Variants in MEF2B observed in about 807,000 individuals in gnomAD.
MEF2B encodes the protein myocyte-specific enhancer factor 2B.
MEF2B carries 15 observed loss-of-function variants against 32.2 expected under a neutral mutation model. That is an observed-to-expected ratio of 0.47 (90% CI 0.31 to 0.72). The LOEUF (loss-of-function observed/expected upper bound fraction) is 0.72, where lower values mean the gene tolerates loss of function less well. Among genes scored for constraint, MEF2B ranks in the 30% least tolerant of loss-of-function variants. The pLI is 0.05. For synonymous variants in MEF2B, 205 were observed against 225.6 expected (o/e 0.91, Z 0.82); for missense variants, 441 against 511.5 (o/e 0.86, Z 1.33).
chr19:19,164,545 G>A (rs146654967), intron 1 of MEF2B, among the ~76,000 whole-genome samples: 1,787 of 152,340 alleles, frequency 0.012, 41 homozygotes, highest in African/African-American at 0.039. Context: ...CGGGTGCGGT[G>A]GCTCACGCCT....
intron 1 of MEF2B, among the ~76,000 whole-genome samples, chr19:19,162,473 G>A (rs2060172111): frequency 6.6e-6 from 1 of 152,206 alleles, no homozygotes; most frequent in South Asian, 2.1e-4. Context: ...CCCACCAGGG[G>A]TGAAATGCAG....
chr19:19,167,127 G>A (rs1050577820), intron 1 of MEF2B, among the ~76,000 whole-genome samples: 7 of 152,100 alleles, frequency 4.6e-5, no homozygotes, highest in African/African-American at 9.7e-5. Flanking sequence ...AAGGCAGGTG[G>A]ATCACCTGTG....
chr19:19,165,308 G>A (rs1016035623), intron 1 of MEF2B, among the ~76,000 whole-genome samples: 8 of 152,006 alleles, frequency 5.3e-5, no homozygotes, highest in African/African-American at 1.9e-4. Context: ...GATCCAGGAG[G>A]GTACCACACC....
intron 4 of MEF2B, among the ~76,000 whole-genome samples, 196 bp from the exon 5 acceptor site, chr19:19,147,379 C>T (rs2146352652): frequency 7.5e-6 from 1 of 132,796 alleles, no homozygotes; most frequent in South Asian, 2.3e-4. Flanking sequence ...CTGGCTCTGC[C>T]TGTCCTTGAC....
Position 19,160,335 on chromosome 19 carries a change from G to A in MEF2B, c.-29-9571C>T, listed in dbSNP as rs570778909. On this transcript the variant is annotated intron_variant, in intron 1 of 8. Coordinates refer to ENST00000424583, the MANE Select transcript of MEF2B (RefSeq NM_001145785.2). ...GAAGAAGGTCTGGGCCTTGGAACTGGGGGCGCTGAGTCAGTACAGCATCCT... is the reference window on the plus strand; with the variant it reads ...GAAGAAGGTCTGGGCCTTGGAACTGAGGGCGCTGAGTCAGTACAGCATCCT... 3.3e-5 allele frequency among the ~76,000 whole-genome samples: 5 copies of A among 152,114 alleles called. No individual in the cohort carries two copies. The South Asian group carries it at 8.3e-4, about 25-fold the overall frequency.
intron 1 of MEF2B, among the ~76,000 whole-genome samples, chr19:19,164,113 C>T (rs191183137): frequency 1.2e-4 from 19 of 152,202 alleles, no homozygotes; most frequent in Admixed American, 9.2e-4. Flanking sequence ...ATCACAGGCT[C>T]GCCCCCACCA....
intron 1 of MEF2B, among the ~76,000 whole-genome samples, chr19:19,164,375 ACAGCCAATT>A (rs1433455317): frequency 1.3e-5 from 2 of 152,106 alleles, no homozygotes; most frequent in Non-Finnish European, 2.9e-5. Flanking sequence ...TCACAGCAAA[ACAGCCAATT>A]GGACAGTGCT....
At chr19:19,162,028 G>A (rs919394341) in intron 1 of MEF2B, among the ~76,000 whole-genome samples, 1 of 152,078 alleles carries the variant, frequency 6.6e-6, no homozygotes, top group Non-Finnish European at 1.5e-5. Context: ...GGCTGGTCTT[G>A]AACTCCTGGC....
At chr19:19,161,662 C>T (rs1448924829) in intron 1 of MEF2B, among the ~76,000 whole-genome samples, 5 of 152,020 alleles carry the variant, frequency 3.3e-5, no homozygotes, top group Non-Finnish European at 7.4e-5. Flanking sequence ...CCCCTTTCCC[C>T]TGAACAATGT....
intron 1 of MEF2B, among the ~76,000 whole-genome samples, chr19:19,167,821 T>A (rs574364469): frequency 6.6e-6 from 1 of 152,222 alleles, no homozygotes; most frequent in South Asian, 2.1e-4. Context: ...GAGAGGAAGC[T>A]GGGCCTCGTG....
chr19:19,150,697 G>A lies in MEF2B; in HGVS notation c.39C>T (p.Asp13=). The A allele has an allele frequency of 6.2e-7, 1 of 1,614,146 alleles. No individual in the cohort carries two copies. The highest frequency in any genetic ancestry group is 1.6e-4 in the Middle Eastern group (1 of 6,062). Residue 13 remains aspartate, a synonymous_variant, in exon 2 of 9, where the codon GAC becomes GAT. Transcript: ENST00000424583. Reference sequence around the variant, plus strand: ...GTGAACTCACCTGCCGATTCCTTTGGTCCAGGATGCGGGAGATCTGGATTT... The same window carrying A: ...GTGAACTCACCTGCCGATTCCTTTGATCCAGGATGCGGGAGATCTGGATTT... The part of the protein sequence containing the change: ...RKKIQISRIL[D]QRNRQVTFTK...
intron 3 of MEF2B, among the ~76,000 whole-genome samples, chr19:19,148,670 A>G (rs1036883572): frequency 1.4e-4 from 21 of 149,028 alleles, no homozygotes; most frequent in Admixed American, 2.7e-4. Flanking sequence ...CCCAGTGAAG[A>G]CTCCTCTGTC....
In MEF2B at chr19:19,150,739, C is replaced by T. The variant is rs370131105; in HGVS notation, c.-4G>A. ...TCTGGATTTTTTTCCTCCCCATCGT[C>T]CCAGGCTGAGTGGAATGATCTTTGT... On this transcript the variant is annotated 5_prime_UTR_variant, in exon 2 of 9. Transcript: ENST00000424583. The T allele has an allele frequency of 5.6e-6, 9 of 1,613,974 alleles. No individual in the cohort carries two copies. Among genetic ancestry groups the T allele is most frequent in the Non-Finnish European group, 5.9e-6 (7 of 1,180,042 alleles).
rs187636489 is a variant in MEF2B at position 19,150,011 on chromosome 19, G to A, written c.55-582C>T. Reference sequence around the variant, plus strand: ...GAGGCAGGAGAATCACTTGAACCCAGGAGGCGGAGCTTGCAGTGAGCCGAG... The same window carrying A: ...GAGGCAGGAGAATCACTTGAACCCAAGAGGCGGAGCTTGCAGTGAGCCGAG... On this transcript the variant is annotated intron_variant, in intron 2 of 8. Coordinates refer to ENST00000424583, the MANE Select transcript of MEF2B (RefSeq NM_001145785.2). Among the ~76,000 whole-genome samples, 385 of 149,168 alleles carry A rather than the reference G, an allele frequency of 2.6e-3. 1 individual carries two copies. Among genetic ancestry groups the A allele is most frequent in the Non-Finnish European group, 4.2e-3 (282 of 67,570 alleles).
intron 1 of MEF2B, among the ~76,000 whole-genome samples, chr19:19,169,393 G>T (rs2060235223): frequency 2.0e-5 from 3 of 151,858 alleles, no homozygotes; most frequent in Admixed American, 2.0e-4. Flanking sequence ...AAAGAAAATG[G>T]GGGTCTCACT....
intron 1 of MEF2B, chr19:19,157,212 C>T (rs568191762): frequency 1.2e-5 from 2 of 166,114 alleles, no homozygotes; most frequent in African/African-American, 4.8e-5. Context: ...GAACAGATGC[C>T]TACCCTGTGA....
At chr19:19,156,236 A>C (rs1389005772) in intron 1 of MEF2B, among the ~76,000 whole-genome samples, 4 of 152,120 alleles carry the variant, frequency 2.6e-5, no homozygotes, top group African/African-American at 9.7e-5. Flanking sequence ...AGAAGATTAG[A>C]AAGGTGACTC....
rs761236034 is a variant in MEF2B at position 19,146,753 on chromosome 19, G to C, written c.664C>G (p.Leu222Val). Residue 222 changes from leucine to valine, a missense_variant, in exon 6 of 9, where the codon CTA becomes GTA. Leu to Val is a conservative substitution (Grantham distance 32, BLOSUM62 1). Coordinates refer to ENST00000424583, the MANE Select transcript of MEF2B (RefSeq NM_001145785.2). ...CTCCCCTCACTCACGGAGGTGTTTA[G>C]TCCCCCTCGGGGCCCAGCCAGGCCA... Reference protein sequence around the residue: ...PGGLAGPRGGLNTSRSLYSGL... With the variant: ...PGGLAGPRGGVNTSRSLYSGL... The C allele has an allele frequency of 5.6e-6, 9 of 1,613,884 alleles. No homozygotes were observed. Among genetic ancestry groups the C allele is most frequent in the Non-Finnish European group, 7.6e-6 (9 of 1,179,946 alleles).
chr19:19,159,633 C>T (rs990491502), intron 1 of MEF2B, among the ~76,000 whole-genome samples: 26 of 151,946 alleles, frequency 1.7e-4, no homozygotes, highest in East Asian at 1.9e-4. Context: ...CAGGCCTGAG[C>T]GATGTGGGGG....
Sources: gnomAD v4.1 joint callset for allele counts (sites outside exome capture counted in the v4.1 genomes callset) on GRCh38, gnomAD v4.1.1 for gene constraint, MANE v1.5 for transcripts, NCBI Gene and HGNC (gene_info 2026-07-23, HGNC 2026-07-21) for gene names.